The following ADCY5 variants were observed in gnomAD, a reference collection of about 807,000 sequenced individuals.
ADCY5 encodes the protein adenylate cyclase 5, also known as adenylate cyclase type 5.
Under a neutral mutation model 119.7 loss-of-function variants are expected in ADCY5, and 30 were observed. That is an observed-to-expected ratio of 0.25 (90% CI 0.19 to 0.34). The LOEUF is 0.34. Ranked by LOEUF, ADCY5 falls within the 10% of genes least tolerant of loss-of-function variation. The probability of loss-of-function intolerance (pLI) is 1.00; values close to 1 mark genes in which losing one functional copy is unlikely to be tolerated. For synonymous variants in ADCY5, 753 were observed against 762.2 expected (o/e 0.99, Z 0.20); for missense variants, 1,324 against 1,775.2 (o/e 0.75, Z 4.57).
At chr3:123,427,721 G>A (rs528614994) in intron 1 of ADCY5, among the ~76,000 whole-genome samples, 2 of 152,320 alleles carry the variant, frequency 1.3e-5, no homozygotes, top group African/African-American at 4.8e-5. Context: ...AGATGTGGGT[G>A]ACAATATCAG....
At chr3:123,438,802 A>G (rs1559879268) in intron 1 of ADCY5, among the ~76,000 whole-genome samples, 1 of 152,098 alleles carries the variant, frequency 6.6e-6, no homozygotes, top group Non-Finnish European at 1.5e-5. Flanking sequence ...ACTGGAGTAC[A>G]GTGGCATGAT....
intron 1 of ADCY5, among the ~76,000 whole-genome samples, chr3:123,380,319 C>T (rs1943988584): frequency 6.6e-6 from 1 of 152,206 alleles, no homozygotes; most frequent in South Asian, 2.1e-4. Context: ...CAAGTGGATT[C>T]CATCCCATCC....
At chr3:123,345,769 G>GACAGACAGAC (rs57198270) in intron 3 of ADCY5, among the ~76,000 whole-genome samples, 5 of 113,762 alleles carry the variant, frequency 4.4e-5, no homozygotes, top group African/African-American at 2.0e-4. Context: ...CAGACAGACA[G>GACAGACAGAC]ACACACACAC....
intron 3 of ADCY5, among the ~76,000 whole-genome samples, chr3:123,334,984 T>C (rs1489850433): frequency 6.6e-6 from 1 of 151,842 alleles, no homozygotes; most frequent in Non-Finnish European, 1.5e-5. Context: ...CTCCCGAGAG[T>C]TGGTGCCTCC....
chr3:123,389,949 T>G (rs112894999), intron 1 of ADCY5, among the ~76,000 whole-genome samples: 1 of 150,968 alleles, frequency 6.6e-6, no homozygotes, highest in Non-Finnish European at 1.5e-5. Flanking sequence ...TCCTCAAGAG[T>G]GGAGAGAGGA....
intron 8 of ADCY5, among the ~76,000 whole-genome samples, chr3:123,322,205 T>G (rs1205853003): frequency 6.6e-6 from 1 of 152,136 alleles, no homozygotes; most frequent in Non-Finnish European, 1.5e-5. Context: ...CTGCGAGGGG[T>G]TGGCCCACTC....
At position 123,447,626 on chromosome 3, in the gene ADCY5, G is replaced by A; in HGVS notation, c.920C>T (p.Ala307Val). ...CACCACCTGGACGGCCAGCACCACG[G>A]CGATGAGCGCATAGCAGGCCAGGCC... is the stretch of plus-strand genomic sequence containing the variant. Reference protein sequence around the residue: ...HMGLACYALIAVVLAVQVVGL... With the variant: ...HMGLACYALIVVVLAVQVVGL... The change falls in exon 1 of 21, where the codon GCC becomes GTC. Residue 307 changes from alanine (A) to valine (V), a missense_variant. Physicochemically the swap from Ala to Val is moderately conservative, Grantham distance 64. Coordinates refer to ENST00000462833, the MANE Select transcript of ADCY5 (RefSeq NM_183357.3). 3 of 1,608,106 alleles carry A rather than the reference G, an allele frequency of 1.9e-6. No individual in the cohort carries two copies. Among genetic ancestry groups the A allele is most frequent in the Non-Finnish European group, 2.5e-6 (3 of 1,178,452 alleles).
At chr3:123,438,637 G>A (rs925954536) in intron 1 of ADCY5, among the ~76,000 whole-genome samples, 6 of 152,164 alleles carry the variant, frequency 3.9e-5, no homozygotes, top group African/African-American at 1.4e-4. Context: ...TCACAGTACT[G>A]CAGTGCTTAA....
chr3:123,427,519 G>A (rs1022226795), intron 1 of ADCY5, among the ~76,000 whole-genome samples: 1 of 152,080 alleles, frequency 6.6e-6, no homozygotes, highest in African/African-American at 2.4e-5. Context: ...CCATGTCTCT[G>A]CACATGGAAA....
chr3:123,363,162 A>AG (rs1489917760), intron 1 of ADCY5, among the ~76,000 whole-genome samples: 1 of 145,436 alleles, frequency 6.9e-6, no homozygotes. Context: ...AAAAAAAAAA[A>AG]GGAATTGAAG....
At chr3:123,356,944 C>CTCAAATAT (rs1437606390) in intron 1 of ADCY5, among the ~76,000 whole-genome samples, 1 of 152,016 alleles carries the variant, frequency 6.6e-6, no homozygotes, top group Non-Finnish European at 1.5e-5. Context: ...ATATGTACAA[C>CTCAAATAT]ATGGATGCAT....
At chr3:123,296,316 C>A (rs1042617652) in intron 16 of ADCY5, 100 bp from the exon 17 acceptor site, 1 of 1,334,188 alleles carries the variant, frequency 7.5e-7, no homozygotes, top group African/African-American at 1.5e-5. Context: ...TTTCTTCCTC[C>A]CACTATACCT....
rs138180349 is a variant in ADCY5, at chr3:123,377,204, C to T, written c.1135-24623G>A. 3.3e-4 allele frequency among the ~76,000 whole-genome samples: 51 copies of T among 152,296 alleles called. 1 individual carries two copies. In the East Asian group the frequency reaches 9.7e-3, roughly 29 times the overall value. ...CCACTTCAAACTTTGATAGAACTTC[C>T]AAGTCTCTTGGAATAAAAGCTCCTT... is the stretch of plus-strand genomic sequence containing the variant. On this transcript the variant is annotated intron_variant, in intron 1 of 20. Transcript: ENST00000462833.
Position 123,325,428 on chromosome 3 carries a change from C to A in ADCY5, c.1982G>T (p.Arg661Leu). 6.2e-7 allele frequency: 1 copy of A among 1,614,142 alleles called. No individual in the cohort carries two copies. The highest frequency in any genetic ancestry group is 8.5e-7 in the Non-Finnish European group (1 of 1,180,022). Residue 661 changes from arginine to leucine, a missense_variant, in exon 8 of 21, where the codon CGC (arginine) becomes CTC (leucine). Coordinates refer to ENST00000462833, the MANE Select transcript of ADCY5 (RefSeq NM_183357.3). The part of the protein sequence containing the change: ...EEKAMIAKMN[R>L]QRTNSIGHNP... The stretch of plus-strand genomic sequence containing the variant: ...GTGCCCGATGGAGTTGGTTCTCTGG[C>A]GGTTCATCTTGGCGATCATGGCCTT...
At chr3:123,304,487 A>T (rs1940089097) in intron 12 of ADCY5, among the ~76,000 whole-genome samples, 1 of 152,128 alleles carries the variant, frequency 6.6e-6, no homozygotes, top group African/African-American at 2.4e-5. Flanking sequence ...AGAAATCAAT[A>T]AAAAGCACAT....
intron 10 of ADCY5, 101 bp from the exon 11 acceptor site, chr3:123,318,218 C>A: frequency 1.2e-6 from 1 of 857,564 alleles, no homozygotes; most frequent in South Asian, 1.5e-5. Context: ...CATGGCTGGT[C>A]ACCTGTGCAG....
intron 16 of ADCY5, chr3:123,296,863 G>T: frequency 1.3e-6 from 1 of 755,036 alleles, no homozygotes; most frequent in Non-Finnish European, 2.0e-6. Flanking sequence ...TACGTCTTGT[G>T]CCTGCCAAGA....
At chr3:123,406,141 C>G (rs191843765) in intron 1 of ADCY5, among the ~76,000 whole-genome samples, 201 of 152,358 alleles carry the variant, frequency 1.3e-3, no homozygotes, top group African/African-American at 4.7e-3. Flanking sequence ...CCATTACTTT[C>G]CTACCCTAAT....
At chr3:123,443,094 A>G (rs370871276) in intron 1 of ADCY5, among the ~76,000 whole-genome samples, 12 of 152,166 alleles carry the variant, frequency 7.9e-5, no homozygotes, top group South Asian at 2.1e-4. Context: ...AGCGTCTCAC[A>G]TGGGGCAGCC....
Sources: gnomAD v4.1 joint callset for allele counts (sites outside exome capture counted in the v4.1 genomes callset) on GRCh38, gnomAD v4.1.1 for gene constraint, MANE v1.5 for transcripts, NCBI Gene and HGNC (gene_info 2026-07-23, HGNC 2026-07-21) for gene names.